REG4: variants seen among roughly 807,000 people sequenced by gnomAD.
REG4 encodes the protein regenerating islet-derived protein 4.
In REG4, 16 loss-of-function variants were observed where a neutral mutation model predicts 22.3. That is an observed-to-expected ratio of 0.72 (90% CI 0.49 to 1.09). The LOEUF is 1.09. Ranked by LOEUF, REG4 falls within the 50% of genes least tolerant of loss-of-function variation. REG4 has a pLI of 0.00. For synonymous variants in REG4, 71 were observed against 69.2 expected, an observed-to-expected ratio of 1.03 and a Z score of -0.13; for missense variants, 214 against 193.9, an observed-to-expected ratio of 1.10 and a Z score of -0.61.
chr1:119,802,367 G>GT (rs1654136133), intron 3 of REG4: 32 of 986,496 alleles, frequency 3.2e-5, no homozygotes, highest in South Asian at 9.4e-5. Flanking sequence ...CTTCGTTCTT[G>GT]TTTTTTTGTT....
intron 1 of REG4, among the ~76,000 whole-genome samples, chr1:119,810,903 A>T (rs2101078527): frequency 6.6e-6 from 1 of 152,216 alleles, no homozygotes; most frequent in East Asian, 1.9e-4. Context: ...AAAATACAAA[A>T]ATTAGCTGGG....
intron 5 of REG4, among the ~76,000 whole-genome samples, chr1:119,796,241 A>T (rs987710093): frequency 6.6e-6 from 1 of 152,236 alleles, no homozygotes; most frequent in Non-Finnish European, 1.5e-5. Context: ...CTGGGCATTC[A>T]GAATGCAGAA....
rs1654039278 is a variant in REG4 at position 119,799,672 on chromosome 1, GGAT to G, written c.303+50_303+52del. On this transcript the variant is annotated intron_variant, in intron 4 of 5. Coordinates refer to ENST00000256585, the MANE Select transcript of REG4 (RefSeq NM_032044.4). ...GCCGGGAGGCCATTCCCCAAAAAGA[GGAT>G]GCCAGCCTGGCTTTCCCAAGAGGGC... is the stretch of plus-strand genomic sequence containing the variant. 1.9e-6 allele frequency: 3 copies of G among 1,593,154 alleles called. No individual in the cohort carries two copies. The African/African-American group carries it at 4.0e-5, about 21-fold the overall frequency.
At chr1:119,799,324 A>T (rs1236227156) in intron 4 of REG4, among the ~76,000 whole-genome samples, 1 of 152,196 alleles carries the variant, frequency 6.6e-6, no homozygotes, top group Non-Finnish European at 1.5e-5. Context: ...AGCATCTAAA[A>T]AAAAAGGCTA....
intron 2 of REG4, among the ~76,000 whole-genome samples, chr1:119,804,036 T>C (rs1654211344): frequency 6.6e-6 from 1 of 152,192 alleles, no homozygotes; most frequent in Non-Finnish European, 1.5e-5. Context: ...GCCATGTCAC[T>C]GAATCTGAAG....
intron 2 of REG4, among the ~76,000 whole-genome samples, chr1:119,804,207 G>A (rs12094204): frequency 0.019 from 2,826 of 152,230 alleles, 107 homozygotes; most frequent in African/African-American, 0.064. Context: ...GACTGCAGCT[G>A]TCATAACAGC....
At chr1:119,806,016 C>T (rs958586550) in intron 2 of REG4, among the ~76,000 whole-genome samples, 3 of 152,190 alleles carry the variant, frequency 2.0e-5, no homozygotes, top group South Asian at 2.1e-4. Context: ...ACTGCAGCCT[C>T]GACTTCCCGG....
chr1:119,810,952 GC>G (rs1161414932), intron 1 of REG4, among the ~76,000 whole-genome samples: 1 of 152,162 alleles, frequency 6.6e-6, no homozygotes, highest in African/African-American at 2.4e-5. Context: ...TACTCAGGAG[GC>G]TGAGGCAGGA....
intron 2 of REG4, among the ~76,000 whole-genome samples, chr1:119,804,659 A>G (rs1460212376): frequency 2.0e-5 from 3 of 152,206 alleles, no homozygotes; most frequent in African/African-American, 7.2e-5. Flanking sequence ...CCTTTATGCC[A>G]TTGCCGTTAC....
chr1:119,798,420 C>T, intron 5 of REG4, 77 bp downstream of exon 5: 2 of 1,126,656 alleles, frequency 1.8e-6, no homozygotes, highest in South Asian at 1.3e-5. Flanking sequence ...GTCCCCTGTG[C>T]CTATTTTTGT....
In REG4 at chr1:119,799,721, T is replaced by A. The variant is rs758108074; in HGVS notation, c.303+4A>T. 6.2e-7 allele frequency: 1 copy of A among 1,612,936 alleles called. No homozygotes were observed. The highest frequency in any genetic ancestry group is 2.2e-5 in the East Asian group (1 of 44,836). On this transcript the variant is annotated splice_donor_region_variant and intron_variant, in intron 4 of 5. Coordinates refer to ENST00000256585, the MANE Select transcript of REG4 (RefSeq NM_032044.4). ...AGGGCCTTTGTGGCCAAGTCTGAGG[T>A]TACCTTCTGTGGGTCGTGCAGGCCA...
chr1:119,802,324 T>A, intron 3 of REG4: 1 of 985,546 alleles, frequency 1.0e-6, no homozygotes, highest in Non-Finnish European at 1.2e-6. Context: ...GGAGAATACC[T>A]TCATAGCCTC....
intron 2 of REG4, 40 bp downstream of exon 2, chr1:119,808,654 GTGTGAACAC>G: frequency 7.6e-7 from 1 of 1,318,814 alleles, no homozygotes. Context: ...CACATGGGCT[GTGTGAACAC>G]TGGCTGTGGC....
intron 5 of REG4, among the ~76,000 whole-genome samples, chr1:119,795,778 G>A (rs1213761747): frequency 6.6e-6 from 1 of 152,246 alleles, no homozygotes; most frequent in Non-Finnish European, 1.5e-5. Flanking sequence ...AGGAGCCACA[G>A]AGTATAAATG....
At chr1:119,804,840 C>T (rs1236573716) in intron 2 of REG4, among the ~76,000 whole-genome samples, 1 of 152,042 alleles carries the variant, frequency 6.6e-6, no homozygotes, top group Non-Finnish European at 1.5e-5. Context: ...TTTTTTCTCC[C>T]CCTCCTCCTT....
chr1:119,805,818 C>G (rs1212820702), intron 2 of REG4, among the ~76,000 whole-genome samples: 1 of 152,116 alleles, frequency 6.6e-6, no homozygotes, highest in Non-Finnish European at 1.5e-5. Context: ...CCTCCTTCCT[C>G]ACTTCATCTC....
Position 119,794,164 on chromosome 1 carries a change from T to C in REG4, c.*454A>G, listed in dbSNP as rs748406565. 3 of 534,652 alleles carry C rather than the reference T, an allele frequency of 5.6e-6. No individual in the cohort carries two copies. Among genetic ancestry groups the C allele is most frequent in the Non-Finnish European group, 1.1e-5 (3 of 260,906 alleles). The allele number at this position is 534,652 out of a possible 1,614,324, so 33.1% of individuals were successfully genotyped here. On this transcript the variant is annotated 3_prime_UTR_variant, in exon 6 of 6. Coordinates refer to ENST00000256585, the MANE Select transcript of REG4 (RefSeq NM_032044.4). ...AGGATTCTACTGGTAAACCTTCCCATGGCCAAAGGAAAAACAAGCAGGAGT... is the reference window on the plus strand; with the variant it reads ...AGGATTCTACTGGTAAACCTTCCCACGGCCAAAGGAAAAACAAGCAGGAGT...
At position 119,794,449 on chromosome 1, in the gene REG4, G is replaced by A; in HGVS notation, c.*169C>T. ...ATTTAGAGCTAGAAGCCACTACTGG[G>A]CCAATGCTAAAGTTTCTGTCTCTAA... On this transcript the variant is annotated 3_prime_UTR_variant, in exon 6 of 6. Coordinates refer to ENST00000256585, the MANE Select transcript of REG4 (RefSeq NM_032044.4). The A allele has an allele frequency of 1.5e-6, 1 of 687,688 alleles. No individual in the cohort carries two copies. The allele number at this position is 687,688 out of a possible 1,614,324, so 42.6% of individuals were successfully genotyped here.
intron 5 of REG4, among the ~76,000 whole-genome samples, chr1:119,796,149 A>C (rs752480684): frequency 6.6e-6 from 1 of 152,156 alleles, no homozygotes; most frequent in African/African-American, 2.4e-5. Flanking sequence ...CCTCCTTTTT[A>C]TAAGGAGGCA....
Sources: gnomAD v4.1 joint callset for allele counts (sites outside exome capture counted in the v4.1 genomes callset) on GRCh38, gnomAD v4.1.1 for gene constraint, MANE v1.5 for transcripts, NCBI Gene and HGNC (gene_info 2026-07-23, HGNC 2026-07-21) for gene names.